The following EFL1 variants were observed in gnomAD, a reference collection of about 807,000 sequenced individuals.
EFL1 encodes elongation factor-like GTPase 1.
In EFL1, 76 loss-of-function variants were observed where a neutral mutation model predicts 126.7. That is an observed-to-expected ratio of 0.60 (90% CI 0.50 to 0.73). EFL1 has a LOEUF of 0.73. Ranked by LOEUF, EFL1 falls within the 30% of genes least tolerant of loss-of-function variation. The probability of loss-of-function intolerance (pLI) is 0.00; values close to 1 mark genes in which losing one functional copy is unlikely to be tolerated. For synonymous variants in EFL1, 410 were observed against 448.4 expected, an observed-to-expected ratio of 0.91 and a Z score of 1.08; for missense variants, 1,128 against 1,343.2, an observed-to-expected ratio of 0.84 and a Z score of 2.50.
At chr15:82,170,289 T>C (rs2074121539) in intron 15 of EFL1, among the ~76,000 whole-genome samples, 1 of 151,588 alleles carries the variant, frequency 6.6e-6, no homozygotes, top group Non-Finnish European at 1.5e-5. Flanking sequence ...TAATTTTTTG[T>C]ATTTTTAGTA....
chr15:82,203,220 C>T (rs571532568), intron 15 of EFL1, among the ~76,000 whole-genome samples: 27 of 152,304 alleles, frequency 1.8e-4, no homozygotes, highest in African/African-American at 5.8e-4. Context: ...AAGAAACAGA[C>T]CTTAACTAAT....
chr15:82,240,269 T>C, intron 6 of EFL1, 149 bp downstream of exon 6: 1 of 720,640 alleles, frequency 1.4e-6, no homozygotes, highest in African/African-American at 1.8e-5. Flanking sequence ...ATGCTTTTTC[T>C]ATTGCCTCTC....
intron 15 of EFL1, among the ~76,000 whole-genome samples, chr15:82,209,835 C>G (rs1226712842): frequency 6.6e-6 from 1 of 152,216 alleles, no homozygotes; most frequent in African/African-American, 2.4e-5. Flanking sequence ...AATGTGAAAT[C>G]TGGATTTTTC....
At chr15:82,234,977 A>T (rs1209428888) in intron 7 of EFL1, among the ~76,000 whole-genome samples, 1 of 152,164 alleles carries the variant, frequency 6.6e-6, no homozygotes, top group Non-Finnish European at 1.5e-5. Flanking sequence ...TACCTACTCC[A>T]TTCTGAAATC....
At chr15:82,240,055 C>A (rs1257594243) in intron 6 of EFL1, among the ~76,000 whole-genome samples, 1 of 152,108 alleles carries the variant, frequency 6.6e-6, no homozygotes, top group Admixed American at 6.5e-5. Flanking sequence ...CAACATATAT[C>A]TATGAAATAT....
chr15:82,157,999 A>C, intron 16 of EFL1, 139 bp from the exon 17 acceptor site: 1 of 1,004,090 alleles, frequency 1.0e-6, no homozygotes, highest in Non-Finnish European at 1.4e-6. Context: ...CAGATAGTGT[A>C]GTGATGTGAA....
intron 15 of EFL1, among the ~76,000 whole-genome samples, chr15:82,198,039 G>A (rs914500935): frequency 9.2e-5 from 14 of 152,180 alleles, no homozygotes; most frequent in African/African-American, 3.4e-4. Context: ...TTCATATGCC[G>A]TTAACCCTAA....
intron 15 of EFL1, among the ~76,000 whole-genome samples, chr15:82,199,259 G>T (rs1307193867): frequency 6.6e-6 from 1 of 152,146 alleles, no homozygotes; most frequent in Admixed American, 6.5e-5. Flanking sequence ...GGCCACCCAG[G>T]TATATTAGAA....
At chr15:82,211,336 C>A (rs1424908939) in intron 15 of EFL1, among the ~76,000 whole-genome samples, 2 of 151,590 alleles carry the variant, frequency 1.3e-5, no homozygotes, top group Admixed American at 6.6e-5. Flanking sequence ...ACCAGCCTGG[C>A]CAACCTGGTG....
At chr15:82,147,324 C>G (rs1369197639) in intron 18 of EFL1, among the ~76,000 whole-genome samples, 1 of 152,086 alleles carries the variant, frequency 6.6e-6, no homozygotes, top group African/African-American at 2.4e-5. Context: ...TATGCGGGCC[C>G]TGGACTTCAG....
intron 4 of EFL1, among the ~76,000 whole-genome samples, chr15:82,244,323 G>A (rs1339115751): frequency 2.8e-4 from 43 of 152,010 alleles, no homozygotes. Context: ...ATACATAAAC[G>A]CAGTTATAGG....
intron 4 of EFL1, among the ~76,000 whole-genome samples, chr15:82,246,427 C>A (rs2074973464): frequency 6.6e-6 from 1 of 152,116 alleles, no homozygotes; most frequent in African/African-American, 2.4e-5. Context: ...CAATTTCACA[C>A]TGCTAATGCA....
intron 7 of EFL1, among the ~76,000 whole-genome samples, chr15:82,236,473 T>C (rs1378903206): frequency 1.3e-5 from 2 of 152,160 alleles, no homozygotes; most frequent in East Asian, 1.9e-4. Context: ...GACAGACACA[T>C]AGATTAAAGG....
intron 4 of EFL1, among the ~76,000 whole-genome samples, chr15:82,243,530 C>G (rs1428943578): frequency 2.8e-5 from 1 of 35,418 alleles, no homozygotes; most frequent in African/African-American, 1.2e-4. Flanking sequence ...TGGCTAAACT[C>G]CAGACTTTAG....
intron 15 of EFL1, among the ~76,000 whole-genome samples, chr15:82,188,471 T>G (rs1202847463): frequency 1.3e-5 from 2 of 152,148 alleles, no homozygotes; most frequent in African/African-American, 4.8e-5. Context: ...CTCTGACTAG[T>G]GAGTGCCTTA....
chr15:82,191,587 C>CAGAAA (rs1214187835), intron 15 of EFL1, among the ~76,000 whole-genome samples: 1 of 149,728 alleles, frequency 6.7e-6, no homozygotes, highest in African/African-American at 2.5e-5. Flanking sequence ...TGGATGAGGG[C>CAGAAA]AAGCACTCAT....
At chr15:82,219,060 C>T (rs2074680882) in intron 14 of EFL1, among the ~76,000 whole-genome samples, 1 of 152,196 alleles carries the variant, frequency 6.6e-6, no homozygotes, top group African/African-American at 2.4e-5. Flanking sequence ...TGTCTTCATC[C>T]TATGACCTCT....
chr15:82,251,462 A>G (rs996186298), intron 4 of EFL1, among the ~76,000 whole-genome samples: 1 of 152,230 alleles, frequency 6.6e-6, no homozygotes, highest in Non-Finnish European at 1.5e-5. Context: ...ATAGAGCAGA[A>G]CAACTAAAAC....
chr15:82,202,617 T>A (rs2074481396), intron 15 of EFL1, among the ~76,000 whole-genome samples: 1 of 152,108 alleles, frequency 6.6e-6, no homozygotes, highest in African/African-American at 2.4e-5. Context: ...GAAGAGAGGA[T>A]CAGAGAGGTT....
Sources: allele counts gnomAD v4.1 joint callset (sites outside exome capture counted in the v4.1 genomes callset), GRCh38; gene constraint gnomAD v4.1.1; transcripts MANE v1.5; gene names NCBI Gene and HGNC (gene_info 2026-07-23, HGNC 2026-07-21).